Variants in SLC9A5 observed in about 807,000 individuals in gnomAD.
SLC9A5 encodes solute carrier family 9 member A5, also known as sodium/hydrogen exchanger 5.
SLC9A5 carries 52 observed loss-of-function variants against 91.7 expected under a neutral mutation model. The observed-to-expected ratio is 0.57, with a 90% CI of 0.45 to 0.71. SLC9A5 has a LOEUF of 0.71. Among genes scored for constraint, SLC9A5 ranks in the 30% least tolerant of loss-of-function variants. The pLI is 0.00. For synonymous variants in SLC9A5, 419 were observed against 474.5 expected (o/e 0.88, Z 1.52); for missense variants, 871 against 1,158.9 (o/e 0.75, Z 3.61).
At chr16:67,268,693 TATATATATATATATATA>T (rs1567421603) in intron 15 of SLC9A5, among the ~76,000 whole-genome samples, 4 of 96,650 alleles carry the variant, frequency 4.1e-5, no homozygotes, top group Non-Finnish European at 6.4e-5. Context: ...TATATATATA[TATATATATATATATATA>T]TTTTTACAGT....
chr16:67,253,305 TA>T (rs1427724424), intron 2 of SLC9A5, among the ~76,000 whole-genome samples: 1 of 152,014 alleles, frequency 6.6e-6, no homozygotes, highest in African/African-American at 2.4e-5. Flanking sequence ...TTTAAACATT[TA>T]TTTTTTTAAA....
intron 14 of SLC9A5, 93 bp from the exon 15 acceptor site, chr16:67,265,995 G>A (rs139715899): frequency 2.0e-6 from 3 of 1,536,022 alleles, no homozygotes; most frequent in Non-Finnish European, 2.6e-6. Flanking sequence ...CGTGTGTTCT[G>A]CCTAGGGAGA....
Position 67,268,769 on chromosome 16 carries a change from G to T in SLC9A5, c.2219-1969G>T, listed in dbSNP as rs182739735. Among the ~76,000 whole-genome samples the T allele has an allele frequency of 1.6e-3, 228 of 141,028 alleles. 3 individuals are homozygous for T. The highest frequency in any genetic ancestry group is 9.5e-3 in the South Asian group (41 of 4,328). The allele number at this position is 141,028 out of a possible 152,430, so 92.5% of individuals were successfully genotyped here. On this transcript the variant is annotated intron_variant, in intron 15 of 15. Coordinates refer to ENST00000299798, the MANE Select transcript of SLC9A5 (RefSeq NM_004594.3). ...ACCTATAGCAGTGATTCTCCAGGGG[G>T]ATGGTGGTGGAGTGATTTTGCTCCC...
chr16:67,264,701 G>A (rs752449066), intron 13 of SLC9A5, among the ~76,000 whole-genome samples, 179 bp downstream of exon 13: 10 of 152,320 alleles, frequency 6.6e-5, no homozygotes, highest in Admixed American at 3.9e-4. Flanking sequence ...GAAGGGTAAG[G>A]TGAGACCTTC....
rs149985047 is a variant in SLC9A5 at position 67,259,310 on chromosome 16, G to A, written c.1627-263G>A. The stretch of plus-strand genomic sequence containing the variant: ...ATCCGGGAACCAGAGGTTGCAATGA[G>A]CCGAGATCGTGTCACTGCACTCCAG... On this transcript the variant is annotated intron_variant, in intron 10 of 15. Coordinates refer to ENST00000299798, the MANE Select transcript of SLC9A5 (RefSeq NM_004594.3). Among the ~76,000 whole-genome samples, 793 of 139,138 alleles carry A rather than the reference G, an allele frequency of 5.7e-3. 8 individuals are homozygous for A. The highest frequency in any genetic ancestry group is 0.021 in the African/African-American group (742 of 35,858). The allele number at this position is 139,138 out of a possible 152,430, so 91.3% of individuals were successfully genotyped here.
intron 15 of SLC9A5, among the ~76,000 whole-genome samples, chr16:67,268,710 A>T (rs200993075): frequency 0.011 from 944 of 89,682 alleles, 34 homozygotes; most frequent in African/African-American, 0.031. Flanking sequence ...ATATATATAT[A>T]TTTTTACAGT....
At chr16:67,268,555 C>CT (rs1257822216) in intron 15 of SLC9A5, among the ~76,000 whole-genome samples, 1 of 149,208 alleles carries the variant, frequency 6.7e-6, no homozygotes, top group Non-Finnish European at 1.5e-5. Context: ...GAACAACACT[C>CT]TGTCTCTTGG....
At chr16:67,268,641 C>T (rs1312944717) in intron 15 of SLC9A5, among the ~76,000 whole-genome samples, 11 of 112,362 alleles carry the variant, frequency 9.8e-5, no homozygotes, top group East Asian at 3.2e-4. Context: ...CATCAAACAT[C>T]GTTCAAATTT....
intron 15 of SLC9A5, among the ~76,000 whole-genome samples, chr16:67,269,559 C>G (rs138285676): frequency 6.6e-6 from 1 of 152,284 alleles, no homozygotes; most frequent in East Asian, 1.9e-4. Flanking sequence ...TCCCTAGCAG[C>G]CTGTAAAGGT....
At chr16:67,250,056 G>A (rs1038876074) in intron 1 of SLC9A5, among the ~76,000 whole-genome samples, 2 of 152,056 alleles carry the variant, frequency 1.3e-5, no homozygotes, top group East Asian at 1.9e-4. Context: ...ATAGCTGAGC[G>A]TTGCTACTCT....
In SLC9A5 at chr16:67,266,079, T is replaced by G; in HGVS notation, c.2081-9T>G. On this transcript the variant is annotated splice_polypyrimidine_tract_variant and intron_variant, in intron 14 of 15. Transcript: ENST00000299798. ...CAGGATGCCTGACTCTGCTCTTGTC[T>G]CTGTCCAGCTGCTGTGATATTAACC... 6.2e-7 allele frequency: 1 copy of G among 1,611,186 alleles called. No homozygotes were observed. Among genetic ancestry groups the G allele is most frequent in the Non-Finnish European group, 8.5e-7 (1 of 1,178,808 alleles).
rs767887634 is a variant in SLC9A5, at chr16:67,265,985, C to T, written c.2081-103C>T. ...AGGAGAAAGCAAGTGTCTCTGCCAA[C>T]GTGTGTTCTGCCTAGGGAGACAGGG... On this transcript the variant is annotated intron_variant, in intron 14 of 15. Coordinates refer to ENST00000299798, the MANE Select transcript of SLC9A5 (RefSeq NM_004594.3). 1.3e-5 allele frequency: 19 copies of T among 1,462,608 alleles called. No individual in the cohort carries two copies. In the Admixed American group the frequency reaches 1.4e-4, roughly 11 times the overall value. 90.6% of individuals were successfully genotyped at this position (1,462,608 alleles called of 1,614,324 possible). A position where few individuals can be genotyped will look rare whatever the true frequency, so the allele number is the denominator to read the frequency against.
chr16:67,264,252 C>A, intron 12 of SLC9A5, 100 bp from the exon 13 acceptor site: 2 of 980,816 alleles, frequency 2.0e-6, no homozygotes, highest in Non-Finnish European at 3.1e-6. Context: ...AAAAGCTGGG[C>A]TGGCAGGTCC....
rs926660210 is a variant in SLC9A5 at position 67,265,030 on chromosome 16, T to C, written c.2014-10T>C. On this transcript the variant is annotated splice_polypyrimidine_tract_variant and intron_variant, in intron 13 of 15. Transcript: ENST00000299798. ...GGCCAGAGGCTCAGGTTTTCTTTCT[T>C]GGTCCTCAGAAGGATGGTGTGGCGA... 1 of 1,614,138 alleles carries C rather than the reference T, an allele frequency of 6.2e-7. No individual in the cohort carries two copies. The highest frequency in any genetic ancestry group is 8.5e-7 in the Non-Finnish European group (1 of 1,180,000).
chr16:67,249,336 G>A (rs546671872), intron 1 of SLC9A5, 135 bp downstream of exon 1: 5 of 660,206 alleles, frequency 7.6e-6, no homozygotes, highest in African/African-American at 5.7e-5. Flanking sequence ...CCACAAATCC[G>A]GGCTCTCGCC....
At position 67,271,699 on chromosome 16, in the gene SLC9A5, G is replaced by A. The variant is rs2035932130; in HGVS notation, c.*489G>A. On this transcript the variant is annotated 3_prime_UTR_variant, in exon 16 of 16. Transcript: ENST00000299798. ...TAGAGGAACTGGGGTGGGAGGTGGGGCAGGCCTCACCCTTGGGCTTTGCTG... is the reference window on the plus strand; with the variant it reads ...TAGAGGAACTGGGGTGGGAGGTGGGACAGGCCTCACCCTTGGGCTTTGCTG... The A allele has an allele frequency of 6.2e-6, 1 of 161,600 alleles. No individual in the cohort carries two copies. Among genetic ancestry groups the A allele is most frequent in the Non-Finnish European group, 1.4e-5 (1 of 73,054 alleles). The allele number at this position is 161,600 out of a possible 1,614,324, so 10.0% of individuals were successfully genotyped here. A position where few individuals can be genotyped will look rare whatever the true frequency, so the allele number is the denominator to read the frequency against.
chr16:67,255,666 A>G lies in SLC9A5; in HGVS notation c.734-87A>G. 2 of 1,415,130 alleles carry G rather than the reference A, an allele frequency of 1.4e-6. No homozygotes were observed. The highest frequency in any genetic ancestry group is 1.9e-6 in the Non-Finnish European group (2 of 1,036,114). 87.7% of individuals were successfully genotyped at this position (1,415,130 alleles called of 1,614,324 possible). A position where few individuals can be genotyped will look rare whatever the true frequency, so the allele number is the denominator to read the frequency against. On this transcript the variant is annotated intron_variant, in intron 4 of 15. Transcript: ENST00000299798. The surrounding 1 kb of genome is among the most constrained non-coding windows in gnomAD (Gnocchi z 4.9). ...AGCCCCTGGGAGTGCGGTGGGCATC[A>G]TCCCTCACTCCCTGCCAGGCAGCAG...
Position 67,257,380 on chromosome 16 carries a change from G to A in SLC9A5, c.1371G>A (p.Lys457=). The change falls in exon 8 of 16, where the codon AAG becomes AAA. Residue 457 remains lysine (K), a synonymous_variant. Coordinates refer to ENST00000299798, the MANE Select transcript of SLC9A5 (RefSeq NM_004594.3). This position sits in a 1 kb window ranked among gnomAD's most constrained non-coding sequence, Gnocchi z 5.1. The part of the protein sequence containing the change: ...LTIKPLVKWL[K]VKRSEHHKPT... Reference sequence around the variant, plus strand: ...TCAAGCCACTGGTCAAATGGCTGAAGGTGAAGAGGAGTGAGCATCACAAAC... The same window carrying A: ...TCAAGCCACTGGTCAAATGGCTGAAAGTGAAGAGGAGTGAGCATCACAAAC... The A allele has an allele frequency of 9.3e-6, 15 of 1,614,236 alleles. No homozygotes were observed. Among genetic ancestry groups the A allele is most frequent in the Non-Finnish European group, 1.3e-5 (15 of 1,180,020 alleles).
chr16:67,255,715 G>C lies in SLC9A5; in HGVS notation c.734-38G>C. On this transcript the variant is annotated intron_variant, in intron 4 of 15. Coordinates refer to ENST00000299798, the MANE Select transcript of SLC9A5 (RefSeq NM_004594.3). The surrounding 1 kb of genome is among the most constrained non-coding windows in gnomAD (Gnocchi z 4.9). Reference sequence around the variant, plus strand: ...AGTCTTGTCAGCCCGGGTAGGGTCCGGGCCAGGGGTCATGCTGACAACCCA... The same window carrying C: ...AGTCTTGTCAGCCCGGGTAGGGTCCCGGCCAGGGGTCATGCTGACAACCCA... 1 of 1,524,730 alleles carries C rather than the reference G, an allele frequency of 6.6e-7. No homozygotes were observed. The highest frequency in any genetic ancestry group is 8.8e-7 in the Non-Finnish European group (1 of 1,132,784). The allele number at this position is 1,524,730 out of a possible 1,614,324, so 94.5% of individuals were successfully genotyped here.
Sources: gnomAD v4.1 joint callset for allele counts (sites outside exome capture counted in the v4.1 genomes callset) on GRCh38, gnomAD v4.1.1 for gene constraint, Gnocchi (gnomAD v3.1) non-coding constraint, MANE v1.5 for transcripts, NCBI Gene and HGNC (gene_info 2026-07-23, HGNC 2026-07-21) for gene names.